Variants in FSAF1 observed in about 807,000 individuals in gnomAD.
The protein encoded by FSAF1 is 40S small subunit processome assembly factor 1.
At chr1:231,225,225 GC>G in the FSAF1 span, 2 of 549,854 alleles carry the variant, frequency 3.6e-6, no homozygotes, top group East Asian at 5.8e-5. Context: ...GTAAACTGCA[GC>G]TTTTCCACTA....
the FSAF1 span, among the ~76,000 whole-genome samples, chr1:231,231,811 G>A: frequency 1.3e-5 from 2 of 152,186 alleles, no homozygotes; most frequent in Non-Finnish European, 2.9e-5. Context: ...CAGCCACGGA[G>A]AACACCTAAT....
the FSAF1 span, chr1:231,226,299 C>T: frequency 5.3e-6 from 1 of 188,400 alleles, no homozygotes; most frequent in Admixed American, 5.3e-5. Context: ...TGCTGCTTCG[C>T]TCTTTCATGT....
chr1:231,226,832 T>C, the FSAF1 span: 5 of 1,599,990 alleles, frequency 3.1e-6, no homozygotes, highest in Non-Finnish European at 4.3e-6. Context: ...GAGGCTGTAA[T>C]GAAAGAACAA....
chr1:231,224,112 AG>A, the FSAF1 span: 2 of 753,118 alleles, frequency 2.7e-6, no homozygotes, highest in Non-Finnish European at 4.0e-6. Flanking sequence ...ACCATGAAGC[AG>A]ACACTTCGGC....
At chr1:231,236,947 T>C in the FSAF1 span, 1 of 152,144 alleles carries the variant, frequency 6.6e-6, no homozygotes, top group South Asian at 2.1e-4. Flanking sequence ...AAGAAGCTTA[T>C]CTAGAATCCT....
the FSAF1 span, chr1:231,240,950 C>G: frequency 1.1e-3 from 1,528 of 1,366,482 alleles, 19 homozygotes; most frequent in African/African-American, 0.02. This position sits in a 1 kb window ranked among gnomAD's most constrained non-coding sequence, Gnocchi z 4.1. Context: ...GAGGCCAACC[C>G]AGGACGGGCA....
the FSAF1 span, chr1:231,225,774 A>G: frequency 2.0e-6 from 1 of 489,796 alleles, no homozygotes; most frequent in East Asian, 3.6e-5. Flanking sequence ...GGATCACTTG[A>G]TCCCAGGAGT....
At chr1:231,239,374 GTCA>G in the FSAF1 span, among the ~76,000 whole-genome samples, 2 of 152,174 alleles carry the variant, frequency 1.3e-5, no homozygotes, top group Non-Finnish European at 2.9e-5. Flanking sequence ...CCAAAATGTA[GTCA>G]TCTTTTCCTA....
chr1:231,224,746 T>C, the FSAF1 span: 1 of 284,356 alleles, frequency 3.5e-6, no homozygotes, highest in Non-Finnish European at 6.5e-6. Context: ...CACAATGCTC[T>C]CTTTCAGCCT....
At chr1:231,224,136 T>A in the FSAF1 span, 3 of 965,092 alleles carry the variant, frequency 3.1e-6, no homozygotes, top group East Asian at 8.4e-5. Flanking sequence ...CTAGAAATGT[T>A]ACTTCTGTTT....
the FSAF1 span, chr1:231,241,029 T>G: frequency 6.2e-7 from 1 of 1,613,596 alleles, no homozygotes; most frequent in South Asian, 1.1e-5. Context: ...CTCACCAAAG[T>G]CGTAAAGGTT....
At chr1:231,224,228 C>T in the FSAF1 span, 50 of 1,570,826 alleles carry the variant, frequency 3.2e-5, no homozygotes, top group South Asian at 4.7e-4. Flanking sequence ...GGTCCAGGGC[C>T]GCTGCAGTTG....
the FSAF1 span, among the ~76,000 whole-genome samples, chr1:231,235,146 G>A: frequency 5.9e-5 from 9 of 152,332 alleles, no homozygotes; most frequent in African/African-American, 1.9e-4. Flanking sequence ...AATAAATGGA[G>A]GAATGAATAT....
At chr1:231,225,107 T>G in the FSAF1 span, 1 of 243,414 alleles carries the variant, frequency 4.1e-6, no homozygotes, top group Non-Finnish European at 7.9e-6. Context: ...TCAACATCCC[T>G]TATTCATAAT....
the FSAF1 span, among the ~76,000 whole-genome samples, chr1:231,232,064 C>T: frequency 6.6e-6 from 1 of 152,194 alleles, no homozygotes; most frequent in African/African-American, 2.4e-5. Context: ...ATTCTTGCCT[C>T]ATTATTTCAT....
chr1:231,227,790 C>T, the FSAF1 span, among the ~76,000 whole-genome samples: 13,776 of 151,110 alleles, frequency 0.091, 743 homozygotes, highest in South Asian at 0.22. Context: ...GGGGTTTCAC[C>T]GTGTTAGCCA....
At chr1:231,229,167 C>T in the FSAF1 span, 1 of 1,578,058 alleles carries the variant, frequency 6.3e-7, no homozygotes, top group Non-Finnish European at 8.6e-7. Flanking sequence ...AGGTTAAATT[C>T]TTGTGTATCC....
At chr1:231,227,116 A>G in the FSAF1 span, 72 of 1,575,158 alleles carry the variant, frequency 4.6e-5, no homozygotes, top group African/African-American at 7.2e-4. Flanking sequence ...CAACAACTCC[A>G]AAGAAAAAAA....
At chr1:231,236,471 G>A in the FSAF1 span, among the ~76,000 whole-genome samples, 1 of 152,306 alleles carries the variant, frequency 6.6e-6, no homozygotes, top group Admixed American at 6.5e-5. Flanking sequence ...TGAGGCTCCT[G>A]AGAAGAGCCA....
Sources: allele counts gnomAD v4.1 joint callset (sites outside exome capture counted in the v4.1 genomes callset), GRCh38; gene constraint gnomAD v4.1.1; non-coding constraint Gnocchi (gnomAD v3.1); transcripts MANE v1.5; gene names NCBI Gene and HGNC (gene_info 2026-07-23, HGNC 2026-07-21).